The following ITPR3 variants were observed in gnomAD, a reference collection of about 807,000 sequenced individuals.
ITPR3 encodes the protein inositol 1,4,5-trisphosphate-gated calcium channel ITPR3.
ITPR3 carries 173 observed loss-of-function variants against 293.2 expected under a neutral mutation model. That is an observed-to-expected ratio of 0.59 (90% CI 0.52 to 0.67). The LOEUF is 0.67. ITPR3 is among the 30% of genes least tolerant of loss of function. The probability of loss-of-function intolerance (pLI) is 0.00; values close to 1 mark genes in which losing one functional copy is unlikely to be tolerated. For synonymous variants in ITPR3, 1,295 were observed against 1,444.4 expected (o/e 0.90, Z 2.35); for missense variants, 2,796 against 3,592.1 (o/e 0.78, Z 5.66).
In ITPR3 at chr6:33,677,096, G is replaced by A. The variant is rs769249471; in HGVS notation, c.3522+7G>A. 1.2e-6 allele frequency: 2 copies of A among 1,613,396 alleles called. No homozygotes were observed. The highest frequency in any genetic ancestry group is 1.7e-6 in the Non-Finnish European group (2 of 1,179,448). On this transcript the variant is annotated splice_region_variant and intron_variant, in intron 27 of 57. Coordinates refer to ENST00000605930, the MANE Select transcript of ITPR3 (RefSeq NM_002224.4). ...CTACCAGATCGTCAAGGGCGTGAGT[G>A]GCCAAGGGTCCTCGGGGTAGGGATC...
intron 2 of ITPR3, among the ~76,000 whole-genome samples, chr6:33,645,085 C>A (rs553699453): frequency 1.3e-5 from 2 of 151,656 alleles, no homozygotes; most frequent in South Asian, 4.2e-4. Flanking sequence ...ATAATCCCAG[C>A]ACTTTGGGAG....
At chr6:33,659,643 C>A (rs1764406713) in intron 7 of ITPR3, 94 bp downstream of exon 7, 1 of 1,033,926 alleles carries the variant, frequency 9.7e-7, no homozygotes, top group Non-Finnish European at 1.5e-6. Flanking sequence ...AGGCCTCAGG[C>A]CCTTACCCTC....
rs1763434767 is a variant in ITPR3 at position 33,621,493 on chromosome 6, A to T, written c.-110A>T. 1 of 713,316 alleles carries T rather than the reference A, an allele frequency of 1.4e-6. No homozygotes were observed. The highest frequency in any genetic ancestry group is 2.3e-6 in the Non-Finnish European group (1 of 427,604). 44.2% of individuals were successfully genotyped at this position (713,316 alleles called of 1,614,324 possible). On this transcript the variant is annotated 5_prime_UTR_variant, in exon 1 of 58. Coordinates refer to ENST00000605930, the MANE Select transcript of ITPR3 (RefSeq NM_002224.4). This position sits in a 1 kb window ranked among gnomAD's most constrained non-coding sequence, Gnocchi z 7.7. ...CGGCCGCACCGAGCGTCGGGATCCG[A>T]GGTGGGAGCGTACCCCTCCCCGCTC...
chr6:33,673,945 G>A (rs187355754), intron 23 of ITPR3, among the ~76,000 whole-genome samples: 3 of 152,326 alleles, frequency 2.0e-5, no homozygotes, highest in South Asian at 2.1e-4. Flanking sequence ...GGACTTGCTC[G>A]AGGTGACAGC....
chr6:33,643,958 G>A (rs964813580), intron 2 of ITPR3, among the ~76,000 whole-genome samples: 10 of 152,238 alleles, frequency 6.6e-5, no homozygotes, highest in African/African-American at 1.9e-4. Context: ...TTGGGAGGCC[G>A]AGGCAGTCAG....
intron 2 of ITPR3, among the ~76,000 whole-genome samples, chr6:33,645,901 G>A (rs1413918919): frequency 6.6e-6 from 1 of 151,664 alleles, no homozygotes; most frequent in East Asian, 1.9e-4. Flanking sequence ...GCAATGGCAC[G>A]ATCTCAGCTC....
At chr6:33,694,856 T>C (rs1765496638) in intron 56 of ITPR3, 68 bp from the exon 57 acceptor site, 4 of 1,597,448 alleles carry the variant, frequency 2.5e-6, no homozygotes, top group Non-Finnish European at 2.6e-6. Flanking sequence ...CCCACATTAC[T>C]GTTTTTCTAA....
chr6:33,658,548 T>G lies in ITPR3; in HGVS notation c.370-122T>G, dbSNP rs1046168566. The G allele has an allele frequency of 2.1e-4, 237 of 1,146,900 alleles. No homozygotes were observed. The highest frequency in any genetic ancestry group is 1.7e-4 in the Admixed American group (8 of 46,256). 71.0% of individuals were successfully genotyped at this position (1,146,900 alleles called of 1,614,324 possible). On this transcript the variant is annotated intron_variant, in intron 4 of 57. Transcript: ENST00000605930. This position sits in a 1 kb window ranked among gnomAD's most constrained non-coding sequence, Gnocchi z 6.1. Reference sequence around the variant, plus strand: ...TGTCAGCCTGTATGTTTGTGACAGGTGTCTGACACTATGTGTGCAGCCAGA... The same window carrying G: ...TGTCAGCCTGTATGTTTGTGACAGGGGTCTGACACTATGTGTGCAGCCAGA...
rs1763705568 is a variant in ITPR3, at chr6:33,632,446, T to C, written c.90-8038T>C. On this transcript the variant is annotated intron_variant, in intron 1 of 57. Coordinates refer to ENST00000605930, the MANE Select transcript of ITPR3 (RefSeq NM_002224.4). This position sits in a 1 kb window ranked among gnomAD's most constrained non-coding sequence, Gnocchi z 4.1. Reference sequence around the variant, plus strand: ...ACAGCACTGACCCACCCTGCTACCTTTCCCATGGCGCCCACCTGGATCTCA... The same window carrying C: ...ACAGCACTGACCCACCCTGCTACCTCTCCCATGGCGCCCACCTGGATCTCA... Among the ~76,000 whole-genome samples the C allele has an allele frequency of 6.6e-6, 1 of 152,068 alleles. No individual in the cohort carries two copies. Among genetic ancestry groups the C allele is most frequent in the Non-Finnish European group, 1.5e-5 (1 of 67,996 alleles).
intron 56 of ITPR3, chr6:33,694,689 GC>G: frequency 5.5e-6 from 3 of 544,792 alleles, no homozygotes; most frequent in Admixed American, 6.5e-5. Flanking sequence ...AGCTGCCGAC[GC>G]TGCCTAACGG....
chr6:33,651,276 CA>C (rs11284603), intron 2 of ITPR3, among the ~76,000 whole-genome samples: 55,764 of 103,096 alleles, frequency 0.54, 13,172 homozygotes, highest in African/African-American at 0.67. Context: ...GACTCCGTCT[CA>C]AAAAAAAAAA....
rs974772783 is a variant in ITPR3 at position 33,680,252 on chromosome 6, G to A, written c.4225-77G>A. 4 of 1,576,990 alleles carry A rather than the reference G, an allele frequency of 2.5e-6. No individual in the cohort carries two copies. The Admixed American group carries it at 6.9e-5, about 27-fold the overall frequency. ...GAAGTGGGCAGGAACCGGAGGCCAG[G>A]GGACAGGAGCATTGTGGCAGGGAGA... On this transcript the variant is annotated intron_variant, in intron 31 of 57. Coordinates refer to ENST00000605930, the MANE Select transcript of ITPR3 (RefSeq NM_002224.4).
At position 33,688,450 on chromosome 6, in the gene ITPR3, GAGGGT is replaced by G; in HGVS notation, c.6568+20_6568+24del. The G allele has an allele frequency of 6.7e-7, 1 of 1,488,010 alleles. No homozygotes were observed. The highest frequency in any genetic ancestry group is 9.0e-7 in the Non-Finnish European group (1 of 1,116,416). 92.2% of individuals were successfully genotyped at this position (1,488,010 alleles called of 1,614,324 possible). A position where few individuals can be genotyped will look rare whatever the true frequency, so the allele number is the denominator to read the frequency against. ...CTCCGCAGTGAGGACCCACGGGCGG[GAGGGT>G]GGGGCGGTCTGGAGCTGTTCACTGA... On this transcript the variant is annotated intron_variant, in intron 48 of 57. Transcript: ENST00000605930.
At position 33,682,373 on chromosome 6, in the gene ITPR3, C is replaced by G. The variant is rs746684647; in HGVS notation, c.4477-151C>G. On this transcript the variant is annotated intron_variant, in intron 33 of 57. Transcript: ENST00000605930. The surrounding 1 kb of genome is among the most constrained non-coding windows in gnomAD (Gnocchi z 5.4). ...TGCACTGCTGAAGGGAATACAAGTA[C>G]CTTTTTCCAACTGGCACAGAGGCAC... 1 of 895,898 alleles carries G rather than the reference C, an allele frequency of 1.1e-6. No individual in the cohort carries two copies. The highest frequency in any genetic ancestry group is 2.9e-5 in the East Asian group (1 of 33,962). The allele number at this position is 895,898 out of a possible 1,614,324, so 55.5% of individuals were successfully genotyped here.
rs1765133338 is a variant in ITPR3, at chr6:33,683,347, ACCC to A, written c.4741_4743del (p.Pro1581del). 6.3e-7 allele frequency: 1 copy of A among 1,595,900 alleles called. No homozygotes were observed. Among genetic ancestry groups the A allele is most frequent in the Non-Finnish European group, 8.5e-7 (1 of 1,171,738 alleles). On this transcript the variant is annotated inframe_deletion, in exon 35 of 58. Coordinates refer to ENST00000605930, the MANE Select transcript of ITPR3 (RefSeq NM_002224.4). The surrounding 1 kb of genome is among the most constrained non-coding windows in gnomAD (Gnocchi z 4.5). Reference sequence around the variant, plus strand: ...AACCACGCGGGCCTTCCCCCGCGTCACCCCCACCGCCAACCAGTGGGACTACAA... The same window carrying A: ...AACCACGCGGGCCTTCCCCCGCGTCACCACCGCCAACCAGTGGGACTACAA...
rs773625734 is a variant in ITPR3 at position 33,684,465 on chromosome 6, G to A, written c.5046G>A (p.Arg1682=). The A allele has an allele frequency of 6.2e-7, 1 of 1,613,638 alleles. No individual in the cohort carries two copies. The highest frequency in any genetic ancestry group is 1.3e-5 in the African/African-American group (1 of 74,906). Residue 1682 remains arginine (R), a splice_region_variant and synonymous_variant, in exon 37 of 58, where the codon CGG becomes CGA. Coordinates refer to ENST00000605930, the MANE Select transcript of ITPR3 (RefSeq NM_002224.4). This position sits in a 1 kb window ranked among gnomAD's most constrained non-coding sequence, Gnocchi z 4.2. ...MLLKKTKYGD[R]GNQLRKMLLQ... Reference sequence around the variant, plus strand: ...TCAAGAAGACCAAGTACGGGGACCGGGTGAGTGCCCTGGTGGGGCAAGTGC... The same window carrying A: ...TCAAGAAGACCAAGTACGGGGACCGAGTGAGTGCCCTGGTGGGGCAAGTGC...
chr6:33,656,621 T>C (rs1276494233), intron 3 of ITPR3, among the ~76,000 whole-genome samples: 1 of 152,132 alleles, frequency 6.6e-6, no homozygotes, highest in East Asian at 1.9e-4. Context: ...TGCTGGAATG[T>C]GGTGGTCGCT....
rs1765145565 is a variant in ITPR3, at chr6:33,683,731, G to A, written c.4789-289G>A. Among the ~76,000 whole-genome samples the A allele has an allele frequency of 6.6e-6, 1 of 152,194 alleles. No individual in the cohort carries two copies. Among genetic ancestry groups the A allele is most frequent in the South Asian group, 2.1e-4 (1 of 4,828 alleles). ...TGCGCTGTCTCGTTGGCCTGTAGAG[G>A]GGGTGTGGTGGATTATTTTCCCCAC... On this transcript the variant is annotated intron_variant, in intron 35 of 57. Coordinates refer to ENST00000605930, the MANE Select transcript of ITPR3 (RefSeq NM_002224.4). The surrounding 1 kb of genome is among the most constrained non-coding windows in gnomAD (Gnocchi z 4.5).
At chr6:33,639,447 G>A (rs12525769) in intron 1 of ITPR3, among the ~76,000 whole-genome samples, 14,934 of 151,696 alleles carry the variant, frequency 0.098, 787 homozygotes, top group Non-Finnish European at 0.1. Context: ...GAAGGAGCAC[G>A]GGCTTTGAAA....
Sources: allele counts gnomAD v4.1 joint callset (sites outside exome capture counted in the v4.1 genomes callset), GRCh38; gene constraint gnomAD v4.1.1; non-coding constraint Gnocchi (gnomAD v3.1); transcripts MANE v1.5; gene names NCBI Gene and HGNC (gene_info 2026-07-23, HGNC 2026-07-21).